The following NFAT5 variants were observed in gnomAD, a reference collection of about 807,000 sequenced individuals.
NFAT5 encodes the protein nuclear factor of activated T cells 5, also known as nuclear factor of activated T-cells 5.
NFAT5 carries 31 observed loss-of-function variants against 166.5 expected under a neutral mutation model. The ratio of observed to expected loss-of-function variants is 0.19; its 90% CI spans 0.14 to 0.25. The LOEUF (loss-of-function observed/expected upper bound fraction) is 0.25, where lower values mean the gene tolerates loss of function less well. Among genes scored for constraint, NFAT5 ranks in the 10% least tolerant of loss-of-function variants. The pLI is 1.00. For missense variants in NFAT5, 1,449 were observed against 1,821.8 expected, an observed-to-expected ratio of 0.80 and a Z score of 3.72; for synonymous variants, 612 against 639.7, an observed-to-expected ratio of 0.96 and a Z score of 0.65.
chr16:69,582,063 A>G (rs573341206), intron 2 of NFAT5, among the ~76,000 whole-genome samples: 1 of 152,272 alleles, frequency 6.6e-6, no homozygotes, highest in South Asian at 2.1e-4. Context: ...TCAGGAGTTC[A>G]GGACCAGGCT....
At chr16:69,633,701 T>C (rs1407757605) in intron 3 of NFAT5, among the ~76,000 whole-genome samples, 1 of 152,030 alleles carries the variant, frequency 6.6e-6, no homozygotes, top group Non-Finnish European at 1.5e-5. Context: ...AAGGAAGGGA[T>C]AGGGAGAAAT....
At chr16:69,578,212 G>A (rs940397781) in intron 2 of NFAT5, among the ~76,000 whole-genome samples, 10 of 152,088 alleles carry the variant, frequency 6.6e-5, no homozygotes, top group Admixed American at 2.0e-4. Context: ...TGGAAATTTT[G>A]CGGGAAGTCC....
chr16:69,635,656 GCAGCA>G, intron 3 of NFAT5, among the ~76,000 whole-genome samples: 1 of 152,122 alleles, frequency 6.6e-6, no homozygotes, highest in African/African-American at 2.4e-5. Flanking sequence ...TTCTTACATG[GCAGCA>G]GCAAGAGAAA....
intron 2 of NFAT5, among the ~76,000 whole-genome samples, chr16:69,600,554 G>T (rs2033071183): frequency 6.6e-6 from 1 of 152,072 alleles, no homozygotes; most frequent in Non-Finnish European, 1.5e-5. Context: ...AAGAAAAAGG[G>T]ATCTAGTGCA....
At chr16:69,646,591 T>C (rs922480661) in intron 3 of NFAT5, 21 of 1,187,034 alleles carry the variant, frequency 1.8e-5, no homozygotes, top group Non-Finnish European at 2.2e-5. Flanking sequence ...TAGAAACTTA[T>C]TTTAATATTT....
intron 10 of NFAT5, among the ~76,000 whole-genome samples, chr16:69,682,094 A>G (rs2037085698): frequency 6.6e-6 from 1 of 151,908 alleles, no homozygotes. Context: ...CAAAATGTGT[A>G]TTCTCTCAGG....
intron 11 of NFAT5, among the ~76,000 whole-genome samples, chr16:69,688,205 A>AAAAAAAAAC (rs1302845571): frequency 0.012 from 1,191 of 101,242 alleles, 34 homozygotes; most frequent in African/African-American, 0.057. Context: ...TCCGTCTCAA[A>AAAAAAAAAC]AAAAAAAAAA....
intron 11 of NFAT5, 99 bp from the exon 12 acceptor site, chr16:69,690,841 A>C: frequency 4.9e-6 from 5 of 1,021,394 alleles, no homozygotes; most frequent in East Asian, 2.7e-5. Flanking sequence ...GCATCAAAAA[A>C]ATAGACATTT....
intron 3 of NFAT5, among the ~76,000 whole-genome samples, chr16:69,643,416 T>C (rs536303826): frequency 6.6e-6 from 1 of 150,918 alleles, no homozygotes; most frequent in South Asian, 2.1e-4. Context: ...TATCATTATT[T>C]TATGTATTTA....
intron 7 of NFAT5, among the ~76,000 whole-genome samples, chr16:69,662,362 A>G (rs1244039576): frequency 2.6e-5 from 4 of 152,290 alleles, no homozygotes; most frequent in Non-Finnish European, 1.5e-5. Flanking sequence ...TTTGGGGGAA[A>G]TAAAAAGAGT....
In NFAT5 at chr16:69,692,511, A is replaced by C. The variant is rs751783730; in HGVS notation, c.2686A>C (p.Asn896His). 2.5e-6 allele frequency: 4 copies of C among 1,614,180 alleles called. No individual in the cohort carries two copies. In the South Asian group the frequency reaches 3.3e-5, roughly 13 times the overall value. ...TCCACAGTCTGAAAACACGTTATCT[A>C]ATCAACAGCAGCAGCAGCAGCAGCA... ...VHPQSENTLS[N>H]QQQQQQQQQQ... Residue 896 changes from asparagine (N) to histidine (H), a missense_variant, in exon 13 of 15, where the codon AAT becomes CAT. Asn to His is a moderately conservative substitution (Grantham distance 68). Coordinates refer to ENST00000349945, the MANE Select transcript of NFAT5 (RefSeq NM_138713.4).
intron 2 of NFAT5, among the ~76,000 whole-genome samples, chr16:69,587,111 C>CT (rs1178783594): frequency 1.3e-5 from 2 of 151,994 alleles, no homozygotes; most frequent in Non-Finnish European, 2.9e-5. Flanking sequence ...GAGACAAAGT[C>CT]TCGCTCTGTA....
chr16:69,639,961 A>T (rs1054135588), intron 3 of NFAT5, among the ~76,000 whole-genome samples: 15 of 152,322 alleles, frequency 9.8e-5, no homozygotes, highest in African/African-American at 3.6e-4. Context: ...ATTTTAAAAC[A>T]TTGCTTATTT....
intron 2 of NFAT5, among the ~76,000 whole-genome samples, chr16:69,571,970 G>A (rs2016467208): frequency 6.6e-6 from 1 of 151,958 alleles, no homozygotes; most frequent in South Asian, 2.1e-4. Context: ...CACCATATTA[G>A]CCAGGATGGT....
At chr16:69,581,491 C>T (rs539277951) in intron 2 of NFAT5, among the ~76,000 whole-genome samples, 1 of 152,232 alleles carries the variant, frequency 6.6e-6, no homozygotes, top group South Asian at 2.1e-4. Context: ...TATGGTAACT[C>T]TATATTTAAC....
At chr16:69,601,153 A>G (rs1301549362) in intron 2 of NFAT5, among the ~76,000 whole-genome samples, 2 of 152,142 alleles carry the variant, frequency 1.3e-5, no homozygotes. Flanking sequence ...ATGGAAAACG[A>G]CAAAACAAGA....
rs1340185087 is a variant in NFAT5 at position 69,698,624 on chromosome 16, T to C, written c.*2273T>C. The C allele has an allele frequency of 6.6e-6, 1 of 152,620 alleles. No individual in the cohort carries two copies. The highest frequency in any genetic ancestry group is 1.5e-5 in the Non-Finnish European group (1 of 68,038). The allele number at this position is 152,620 out of a possible 1,614,324, so 9.5% of individuals were successfully genotyped here. On this transcript the variant is annotated 3_prime_UTR_variant, in exon 15 of 15. Transcript: ENST00000349945. The stretch of plus-strand genomic sequence containing the variant: ...CAGTAGTGGGCTAAAGGCAGCTTAC[T>C]GTGTGTTTGCTGGAGCTTTCACTCA...
chr16:69,585,020 G>T (rs1405982304), intron 2 of NFAT5, among the ~76,000 whole-genome samples: 1 of 151,742 alleles, frequency 6.6e-6, no homozygotes, highest in Non-Finnish European at 1.5e-5. Flanking sequence ...ATTTTTTGAG[G>T]TGGAGTCTCG....
At chr16:69,592,219 A>G (rs1401097911) in intron 2 of NFAT5, among the ~76,000 whole-genome samples, 1 of 139,608 alleles carries the variant, frequency 7.2e-6, no homozygotes, top group Non-Finnish European at 1.5e-5. Flanking sequence ...AGCTGAGATT[A>G]CGGGCACCCA....
Sources: gnomAD v4.1 joint callset for allele counts (sites outside exome capture counted in the v4.1 genomes callset) on GRCh38, gnomAD v4.1.1 for gene constraint, MANE v1.5 for transcripts, NCBI Gene and HGNC (gene_info 2026-07-23, HGNC 2026-07-21) for gene names.